Variants in DNAH11 observed in about 807,000 individuals in gnomAD.
The protein encoded by DNAH11 is dynein axonemal heavy chain 11, also known as axonemal beta dynein heavy chain 11.
Under a neutral mutation model 526.0 loss-of-function variants are expected in DNAH11, and 442 were observed. That is an observed-to-expected ratio of 0.84 (90% CI 0.78 to 0.91). The LOEUF is 0.91. Among genes scored for constraint, DNAH11 ranks in the 40% least tolerant of loss-of-function variants. The pLI is 0.00. For missense variants in DNAH11, 6,989 were observed against 5,448.7 expected, an observed-to-expected ratio of 1.28 and a Z score of -8.90; for synonymous variants, 2,461 against 1,935.9, an observed-to-expected ratio of 1.27 and a Z score of -7.12.
intron 55 of DNAH11, among the ~76,000 whole-genome samples, chr7:21,772,297 C>T (rs1787471063): frequency 6.6e-6 from 1 of 151,838 alleles, no homozygotes; most frequent in South Asian, 2.1e-4. Flanking sequence ...CAAGGAGCCT[C>T]CTCATAAGGA....
chr7:21,655,069 C>A (rs1370654131), intron 28 of DNAH11, among the ~76,000 whole-genome samples: 3 of 146,982 alleles, frequency 2.0e-5, no homozygotes, highest in Admixed American at 6.8e-5. Flanking sequence ...GTTGGTTTTC[C>A]CCCCCCACCC....
intron 18 of DNAH11, among the ~76,000 whole-genome samples, chr7:21,602,398 T>C (rs1785126628): frequency 6.6e-6 from 1 of 152,190 alleles, no homozygotes; most frequent in East Asian, 1.9e-4. Flanking sequence ...GAAATCACTG[T>C]GCTTTCTAAA....
In DNAH11 at chr7:21,635,858, G is replaced by C. The variant is rs769864697; in HGVS notation, c.4501-13G>C. ...ATTTAGCTACTATTTAAAATTCTTT[G>C]CCTTTATTTTAGGTTCAGTTGCAGA... is the stretch of plus-strand genomic sequence containing the variant. On this transcript the variant is annotated splice_polypyrimidine_tract_variant and intron_variant, in intron 25 of 81. Coordinates refer to ENST00000409508, the MANE Select transcript of DNAH11 (RefSeq NM_001277115.2). 1 of 1,591,068 alleles carries C rather than the reference G, an allele frequency of 6.3e-7. No homozygotes were observed. The highest frequency in any genetic ancestry group is 8.6e-7 in the Non-Finnish European group (1 of 1,167,428).
chr7:21,855,476 C>T lies in DNAH11; in HGVS notation c.11202+1021C>T, dbSNP rs139201605. Among the ~76,000 whole-genome samples the T allele has an allele frequency of 4.0e-3, 615 of 152,304 alleles. 7 individuals are homozygous for T. Among genetic ancestry groups the T allele is most frequent in the African/African-American group, 0.014 (574 of 41,564 alleles). On this transcript the variant is annotated intron_variant, in intron 68 of 81. Transcript: ENST00000409508. Reference sequence around the variant, plus strand: ...TATTGAGTCACTATTACATGCAAGGCATTTTTATACTTTGGCTCATTCTTT... The same window carrying T: ...TATTGAGTCACTATTACATGCAAGGTATTTTTATACTTTGGCTCATTCTTT...
intron 72 of DNAH11, 89 bp from the exon 73 acceptor site, chr7:21,868,775 C>T (rs1783384001): frequency 6.5e-7 from 1 of 1,527,210 alleles, no homozygotes; most frequent in Admixed American, 1.8e-5. Context: ...GCTGCGGTGA[C>T]CACAGATGTG....
chr7:21,716,300 C>T (rs1457958712), intron 42 of DNAH11, among the ~76,000 whole-genome samples: 3 of 152,068 alleles, frequency 2.0e-5, no homozygotes, highest in Non-Finnish European at 4.4e-5. Flanking sequence ...CCTGAGTTTC[C>T]GAATGCCACC....
At chr7:21,707,942 T>G (rs1207557960) in intron 40 of DNAH11, 107 bp downstream of exon 40, 1 of 1,199,066 alleles carries the variant, frequency 8.3e-7, no homozygotes, top group Admixed American at 3.0e-5. Context: ...GTTTATGTGT[T>G]GGCATTATTG....
At position 21,641,502 on chromosome 7, in the gene DNAH11, C is replaced by T. The variant is rs1787129950; in HGVS notation, c.4944+2437C>T. ...TTCAGAATGTGCACATACTCACCAC[C>T]TCTTTGTCCTTAATTGAAGTCCTAG... On this transcript the variant is annotated intron_variant, in intron 28 of 81. Transcript: ENST00000409508. 2.0e-5 allele frequency among the ~76,000 whole-genome samples: 3 copies of T among 152,312 alleles called. No homozygotes were observed. The South Asian group carries it at 6.2e-4, about 32-fold the overall frequency.
intron 37 of DNAH11, 33 bp from the exon 38 acceptor site, chr7:21,704,401 A>G (rs934782820): frequency 2.5e-6 from 4 of 1,577,342 alleles, no homozygotes; most frequent in Admixed American, 1.8e-5. Flanking sequence ...TAGACCTTGT[A>G]TTGGCTTTTT....
chr7:21,738,720 A>G lies in DNAH11; in HGVS notation c.7665A>G (p.Leu2555=), dbSNP rs750305631. 4 of 1,578,996 alleles carry G rather than the reference A, an allele frequency of 2.5e-6. No homozygotes were observed. Among genetic ancestry groups the G allele is most frequent in the Non-Finnish European group, 3.4e-6 (4 of 1,162,414 alleles). ...TALQKILEKP[L]EKKAGHNYGP... ...TTTCAGAAATTCTTGAGAAACCCCT[A>G]GAGAAAAAAGCTGGTCATAACTATG... Residue 2555 remains leucine (L), a synonymous_variant, in exon 47 of 82, where the codon CTA becomes CTG. Coordinates refer to ENST00000409508, the MANE Select transcript of DNAH11 (RefSeq NM_001277115.2).
intron 71 of DNAH11, among the ~76,000 whole-genome samples, chr7:21,866,936 T>A (rs767562795): frequency 6.6e-6 from 1 of 152,132 alleles, no homozygotes; most frequent in Non-Finnish European, 1.5e-5. Context: ...GGAAGAGAAA[T>A]GGGTGTCAGC....
rs77555668 is a variant in DNAH11 at position 21,794,200 on chromosome 7, A to G, written c.10026+4858A>G. Among the ~76,000 whole-genome samples, 1,482 of 152,218 alleles carry G rather than the reference A, an allele frequency of 9.7e-3. 14 individuals are homozygous for G. The highest frequency in any genetic ancestry group is 0.034 in the African/African-American group (1,397 of 41,536). On this transcript the variant is annotated intron_variant, in intron 61 of 81. Transcript: ENST00000409508. The stretch of plus-strand genomic sequence containing the variant: ...GAGTTTTCTTAAACTACTATTTTGA[A>G]TTATTGATCTGAGAGCTCCCACATC...
rs114841383 is a variant in DNAH11, at chr7:21,823,563, A to G, written c.10691+5224A>G. On this transcript the variant is annotated intron_variant, in intron 65 of 81. Coordinates refer to ENST00000409508, the MANE Select transcript of DNAH11 (RefSeq NM_001277115.2). ...TTACATAGTATATTTTCCCTGTGTC[A>G]TTTTGCCATTTTTTTCTCCCCCTTA... 8.5e-3 allele frequency among the ~76,000 whole-genome samples: 1,300 copies of G among 152,122 alleles called. 25 individuals are homozygous for G. Among genetic ancestry groups the G allele is most frequent in the African/African-American group, 0.029 (1,201 of 41,496 alleles).
intron 30 of DNAH11, among the ~76,000 whole-genome samples, chr7:21,668,733 C>T (rs531944998): frequency 2.6e-5 from 4 of 152,310 alleles, no homozygotes; most frequent in South Asian, 4.1e-4. Context: ...TTCTACTCAT[C>T]TTGTTACTTG....
intron 48 of DNAH11, among the ~76,000 whole-genome samples, 163 bp from the exon 49 acceptor site, chr7:21,741,764 T>C (rs542995423): frequency 6.6e-6 from 1 of 152,298 alleles, no homozygotes; most frequent in South Asian, 2.1e-4. Flanking sequence ...CTCATTCTGT[T>C]GGCTTAAGTA....
chr7:21,749,910 G>T, intron 53 of DNAH11, 109 bp downstream of exon 53: 1 of 1,523,840 alleles, frequency 6.6e-7, no homozygotes, highest in Non-Finnish European at 8.9e-7. Flanking sequence ...TTGCTGGGCA[G>T]TCTTTGGGGA....
chr7:21,801,333 T>C (rs1788986844), intron 62 of DNAH11, 58 bp downstream of exon 62: 1 of 1,593,220 alleles, frequency 6.3e-7, no homozygotes, highest in Non-Finnish European at 8.6e-7. Flanking sequence ...TTGTGGGGAT[T>C]TTATTATTTG....
intron 68 of DNAH11, among the ~76,000 whole-genome samples, chr7:21,854,857 A>C (rs1782775438): frequency 6.6e-6 from 1 of 151,936 alleles, no homozygotes; most frequent in Non-Finnish European, 1.5e-5. Flanking sequence ...TGTATTTTTA[A>C]GCCATCGGTG....
At chr7:21,878,997 T>G (rs1360971440) in intron 74 of DNAH11, among the ~76,000 whole-genome samples, 1 of 152,198 alleles carries the variant, frequency 6.6e-6, no homozygotes, top group Non-Finnish European at 1.5e-5. Flanking sequence ...CAACTTCCTT[T>G]CCTTGCCTCA....
Sources: allele counts gnomAD v4.1 joint callset (sites outside exome capture counted in the v4.1 genomes callset), GRCh38; gene constraint gnomAD v4.1.1; transcripts MANE v1.5; gene names NCBI Gene and HGNC (gene_info 2026-07-23, HGNC 2026-07-21).